Variants in LARP4B observed in about 807,000 individuals in gnomAD.
LARP4B encodes the protein La ribonucleoprotein 4B.
LARP4B carries 12 observed loss-of-function variants against 89.8 expected under a neutral mutation model. The observed-to-expected ratio is 0.13, with a 90% CI of 0.09 to 0.22. LARP4B has a LOEUF of 0.22. Ranked by LOEUF, LARP4B falls within the 10% of genes least tolerant of loss-of-function variation. The pLI, the probability that LARP4B is intolerant of heterozygous loss-of-function variation, is 1.00. For synonymous variants in LARP4B, 367 were observed against 363.3 expected, an observed-to-expected ratio of 1.01 and a Z score of -0.12; for missense variants, 757 against 947.7, an observed-to-expected ratio of 0.80 and a Z score of 2.64.
At chr10:945,783 C>T in the LARP4B span, among the ~76,000 whole-genome samples, 1 of 152,136 alleles carries the variant, frequency 6.6e-6, no homozygotes, top group Non-Finnish European at 1.5e-5. Flanking sequence ...TAACCCCCAC[C>T]ATGGCTCTCT....
chr10:865,282 A>T (rs1834842174), intron 3 of LARP4B, among the ~76,000 whole-genome samples: 1 of 152,118 alleles, frequency 6.6e-6, no homozygotes, highest in South Asian at 2.1e-4. Flanking sequence ...ACATGGGCTA[A>T]ACCTCACCTG....
rs1007330176 is a variant in LARP4B, at chr10:812,801, T to C, written c.*125A>G. 5 of 838,232 alleles carry C rather than the reference T, an allele frequency of 6.0e-6. No homozygotes were observed. Among genetic ancestry groups the C allele is most frequent in the Non-Finnish European group, 8.3e-6 (5 of 605,078 alleles). 51.9% of individuals were successfully genotyped at this position (838,232 alleles called of 1,614,324 possible). A position where few individuals can be genotyped will look rare whatever the true frequency, so the allele number is the denominator to read the frequency against. Reference sequence around the variant, plus strand: ...ATCCAACTCACAGAAGAAAACCAACTTGAGGATCCCACAGGCCTCAGACAC... The same window carrying C: ...ATCCAACTCACAGAAGAAAACCAACCTGAGGATCCCACAGGCCTCAGACAC... On this transcript the variant is annotated 3_prime_UTR_variant, in exon 18 of 18. Transcript: ENST00000316157.
intron 3 of LARP4B, among the ~76,000 whole-genome samples, chr10:879,642 C>T (rs2131910047): frequency 6.6e-6 from 1 of 152,298 alleles, no homozygotes; most frequent in South Asian, 2.1e-4. Flanking sequence ...AGACAGCAGG[C>T]ACACACCACC....
intron 1 of LARP4B, among the ~76,000 whole-genome samples, chr10:921,154 TC>T (rs763921436): frequency 2.0e-5 from 3 of 151,790 alleles, no homozygotes; most frequent in Admixed American, 6.6e-5. Context: ...ATGCCTGTAA[TC>T]CCAGCTACTC....
At chr10:923,622 A>G (rs1241950737) in intron 1 of LARP4B, among the ~76,000 whole-genome samples, 1 of 152,222 alleles carries the variant, frequency 6.6e-6, no homozygotes, top group Non-Finnish European at 1.5e-5. Context: ...GTAATCAACA[A>G]AGATAAAAAG....
the LARP4B span, among the ~76,000 whole-genome samples, chr10:983,225 A>G: frequency 6.6e-6 from 1 of 152,204 alleles, no homozygotes; most frequent in Non-Finnish European, 1.5e-5. Context: ...GTTATTCTCA[A>G]CTCACTGTCC....
chr10:987,267 T>C, the LARP4B span: 3 of 152,180 alleles, frequency 2.0e-5, no homozygotes, highest in Admixed American at 6.5e-5. Flanking sequence ...GACACAAAAA[T>C]GGAAGCATAG....
intron 1 of LARP4B, among the ~76,000 whole-genome samples, chr10:915,649 A>G (rs111630348): frequency 3.7e-4 from 56 of 152,138 alleles, no homozygotes; most frequent in Non-Finnish European, 7.6e-4. Context: ...CTAAAAATAC[A>G]AACAATTAGC....
intron 1 of LARP4B, among the ~76,000 whole-genome samples, chr10:927,780 T>C (rs1055717094): frequency 6.6e-6 from 1 of 152,214 alleles, no homozygotes; most frequent in Admixed American, 6.5e-5. Flanking sequence ...TGGAAAAAGG[T>C]TGTTTTGAGA....
the LARP4B span, among the ~76,000 whole-genome samples, chr10:949,313 C>A: frequency 2.0e-5 from 3 of 151,056 alleles, no homozygotes; most frequent in African/African-American, 7.3e-5. Flanking sequence ...TCCCACCAGC[C>A]CCGCGTGAGT....
chr10:893,084 T>G (rs1836083749), intron 1 of LARP4B, among the ~76,000 whole-genome samples: 1 of 151,154 alleles, frequency 6.6e-6, no homozygotes, highest in Non-Finnish European at 1.5e-5. Flanking sequence ...TTTTTTCTTT[T>G]TTTTTTCCCA....
the LARP4B span, chr10:971,613 C>T: frequency 6.6e-6 from 1 of 152,110 alleles, no homozygotes; most frequent in Admixed American, 6.6e-5. Context: ...AACTCTCCTG[C>T]TAATAACGAT....
the LARP4B span, among the ~76,000 whole-genome samples, chr10:982,578 T>TG: frequency 6.6e-6 from 1 of 152,230 alleles, no homozygotes; most frequent in Non-Finnish European, 1.5e-5. Flanking sequence ...TATGAAATCA[T>TG]GAAGTTTTTA....
chr10:945,147 G>A, the LARP4B span, among the ~76,000 whole-genome samples: 16 of 152,140 alleles, frequency 1.1e-4, no homozygotes, highest in Admixed American at 2.0e-4. Flanking sequence ...ACTTTGGGAG[G>A]TCAAGGCAGG....
intron 1 of LARP4B, among the ~76,000 whole-genome samples, chr10:907,897 T>C (rs1332564449): frequency 6.6e-6 from 1 of 152,354 alleles, no homozygotes; most frequent in East Asian, 1.9e-4. Context: ...ATCATGCCTA[T>C]GTAACGGAGT....
the LARP4B span, among the ~76,000 whole-genome samples, chr10:949,369 C>G: frequency 6.6e-6 from 1 of 152,098 alleles, no homozygotes; most frequent in African/African-American, 2.4e-5. Flanking sequence ...CATCTTACAT[C>G]CCACCAGCCC....
intron 3 of LARP4B, among the ~76,000 whole-genome samples, chr10:881,251 C>G (rs753023609): frequency 4.6e-5 from 7 of 152,200 alleles, no homozygotes; most frequent in Non-Finnish European, 8.8e-5. Flanking sequence ...TAAACACCCT[C>G]AAAACCCTTT....
the LARP4B span, among the ~76,000 whole-genome samples, chr10:984,032 G>A: frequency 7.2e-5 from 11 of 152,284 alleles, no homozygotes; most frequent in South Asian, 6.2e-4. Context: ...TCTGGAAAAC[G>A]GAAATTGCTA....
chr10:936,506 T>G (rs1233766827), upstream of LARP4B, among the ~76,000 whole-genome samples: 1 of 152,060 alleles, frequency 6.6e-6, no homozygotes, highest in Non-Finnish European at 1.5e-5. Flanking sequence ...TATCATCTAA[T>G]GTCAGGAGTT....
Sources: allele counts gnomAD v4.1 joint callset (sites outside exome capture counted in the v4.1 genomes callset), GRCh38; gene constraint gnomAD v4.1.1; transcripts MANE v1.5; gene names NCBI Gene and HGNC (gene_info 2026-07-23, HGNC 2026-07-21).